ALK: variants seen among roughly 807,000 people sequenced by gnomAD.
The protein encoded by ALK is ALK receptor tyrosine kinase, also known as ALK tyrosine kinase receptor.
ALK carries 74 observed loss-of-function variants against 163.1 expected under a neutral mutation model. The ratio of observed to expected loss-of-function variants is 0.45; its 90% confidence interval spans 0.38 to 0.55. The LOEUF is 0.55. ALK is among the 20% of genes least tolerant of loss of function. The pLI is 0.00. For missense variants in ALK, 2,063 were observed against 2,105.3 expected (o/e 0.98, Z 0.39); for synonymous variants, 960 against 843.2 (o/e 1.14, Z -2.40).
At chr2:29,495,485 T>C (rs1172570238) in intron 4 of ALK, among the ~76,000 whole-genome samples, 1 of 152,134 alleles carries the variant, frequency 6.6e-6, no homozygotes, top group Admixed American at 6.5e-5. Flanking sequence ...ACTGGGCTAG[T>C]GATGGTTACT....
At chr2:29,838,333 A>C (rs560536595) in intron 1 of ALK, among the ~76,000 whole-genome samples, 1 of 152,286 alleles carries the variant, frequency 6.6e-6, no homozygotes, top group South Asian at 2.1e-4. Context: ...TTTTCCCCAA[A>C]TTTGATGAAA....
At position 29,803,398 on chromosome 2, in the gene ALK, G is replaced by T. The variant is rs559387842; in HGVS notation, c.668-85701C>A. ...CTGATTCCTTAATAATAACTAAAAG[G>T]CCAGCAACTGGTGATTAACTTTGTA... On this transcript the variant is annotated intron_variant, in intron 1 of 28. Coordinates refer to ENST00000389048, the MANE Select transcript of ALK (RefSeq NM_004304.5). Among the ~76,000 whole-genome samples, 11 of 152,238 alleles carry T rather than the reference G, an allele frequency of 7.2e-5. No individual in the cohort carries two copies. The East Asian group carries it at 7.7e-4, about 11-fold the overall frequency.
intron 3 of ALK, among the ~76,000 whole-genome samples, chr2:29,636,172 A>G (rs1676521273): frequency 6.6e-6 from 1 of 152,162 alleles, no homozygotes; most frequent in Non-Finnish European, 1.5e-5. Context: ...AGGAATATAC[A>G]CATAGATCAA....
At chr2:29,797,097 G>T (rs1349020675) in intron 1 of ALK, among the ~76,000 whole-genome samples, 1 of 151,526 alleles carries the variant, frequency 6.6e-6, no homozygotes, top group Admixed American at 6.6e-5. Context: ...AAATCTAACA[G>T]AAAGATGTAT....
Position 29,225,366 on chromosome 2 carries a change from C to T in ALK, c.3172+95G>A, listed in dbSNP as rs59966676. 176 of 1,158,592 alleles carry T rather than the reference C, an allele frequency of 1.5e-4. No individual in the cohort carries two copies. The African/African-American group carries it at 1.7e-3, about 11-fold the overall frequency. 71.8% of individuals were successfully genotyped at this position (1,158,592 alleles called of 1,614,324 possible). On this transcript the variant is annotated intron_variant, in intron 19 of 28. Coordinates refer to ENST00000389048, the MANE Select transcript of ALK (RefSeq NM_004304.5). Reference sequence around the variant, plus strand: ...CACCCAATTCCAGGGACTAGCATAACGAAGTGACACCTTGGCACCTGTGGC... The same window carrying T: ...CACCCAATTCCAGGGACTAGCATAATGAAGTGACACCTTGGCACCTGTGGC...
In ALK at chr2:29,227,087, A is replaced by T. The variant is rs2148178781; in HGVS notation, c.2915-13T>A. ...TGGCCTTCCATCACTAGTGACAAGGAGGGAGGGTCAGTCTTGGGCCGAGCC... is the reference window on the plus strand; with the variant it reads ...TGGCCTTCCATCACTAGTGACAAGGTGGGAGGGTCAGTCTTGGGCCGAGCC... On this transcript the variant is annotated splice_polypyrimidine_tract_variant and intron_variant, in intron 17 of 28. Transcript: ENST00000389048. This position sits in a 1 kb window ranked among gnomAD's most constrained non-coding sequence, Gnocchi z 4.4. 6.2e-7 allele frequency: 1 copy of T among 1,614,098 alleles called. No homozygotes were observed. Among genetic ancestry groups the T allele is most frequent in the Non-Finnish European group, 8.5e-7 (1 of 1,180,026 alleles).
At chr2:29,653,101 G>A (rs1677082545) in intron 3 of ALK, among the ~76,000 whole-genome samples, 1 of 152,104 alleles carries the variant, frequency 6.6e-6, no homozygotes, top group South Asian at 2.1e-4. Flanking sequence ...GGTAGATAGT[G>A]TCAGAATAGA....
chr2:29,850,819 C>T (rs547370715), intron 1 of ALK, among the ~76,000 whole-genome samples: 5 of 152,314 alleles, frequency 3.3e-5, no homozygotes, highest in Admixed American at 2.6e-4. Context: ...TCTCCCAAGC[C>T]CTTTCCTCGT....
intron 3 of ALK, among the ~76,000 whole-genome samples, chr2:29,587,640 A>G (rs889603227): frequency 2.0e-5 from 3 of 152,168 alleles, no homozygotes; most frequent in African/African-American, 7.2e-5. Context: ...AACTGTCCAT[A>G]GCTTCACTTC....
At chr2:29,209,268 T>TG (rs898329448) in intron 25 of ALK, among the ~76,000 whole-genome samples, 10 of 152,076 alleles carry the variant, frequency 6.6e-5, no homozygotes, top group African/African-American at 2.4e-4. Flanking sequence ...TGGCTGGGCA[T>TG]GGAGGCTCAC....
intron 4 of ALK, among the ~76,000 whole-genome samples, chr2:29,503,045 G>T (rs1672226695): frequency 6.6e-6 from 1 of 152,224 alleles, no homozygotes; most frequent in African/African-American, 2.4e-5. Flanking sequence ...ATGAAGACGT[G>T]GAACTCTTCA....
intron 3 of ALK, among the ~76,000 whole-genome samples, chr2:29,571,782 C>T (rs1030290542): frequency 3.3e-5 from 5 of 151,738 alleles, no homozygotes; most frequent in African/African-American, 1.2e-4. Flanking sequence ...GTGCCTAGCT[C>T]ATTTTTGTAT....
intron 1 of ALK, among the ~76,000 whole-genome samples, chr2:29,739,163 G>A (rs749141473): frequency 8.2e-5 from 12 of 146,750 alleles, no homozygotes; most frequent in African/African-American, 2.6e-4. Context: ...CACTGGAGCC[G>A]AGGAGTTTGA....
chr2:29,240,575 G>A (rs1664498913), intron 12 of ALK, among the ~76,000 whole-genome samples: 1 of 152,186 alleles, frequency 6.6e-6, no homozygotes, highest in Non-Finnish European at 1.5e-5. Context: ...TGAGCCGACT[G>A]TCTATTCCCA....
chr2:29,853,615 C>T (rs1666062324), intron 1 of ALK, among the ~76,000 whole-genome samples: 2 of 152,214 alleles, frequency 1.3e-5, no homozygotes, highest in Admixed American at 1.3e-4. Context: ...ACTCTCCATG[C>T]AGTCTTCTTA....
At chr2:29,223,284 T>C (rs1669855803) in intron 20 of ALK, 58 bp downstream of exon 20, 1 of 1,588,642 alleles carries the variant, frequency 6.3e-7, no homozygotes, top group Non-Finnish European at 8.6e-7. Context: ...GGTGCTGTGA[T>C]AACATTCAGC....
rs1350616930 is a variant in ALK, at chr2:29,257,353, A to T, written c.2042-6086T>A. On this transcript the variant is annotated intron_variant, in intron 11 of 28. Coordinates refer to ENST00000389048, the MANE Select transcript of ALK (RefSeq NM_004304.5). ...ATAAAGAACCCACAAATATCAAAAT[A>T]CTGATTGGTTATAGACAGTTGAGTA... 2.6e-5 allele frequency among the ~76,000 whole-genome samples: 4 copies of T among 152,206 alleles called. No individual in the cohort carries two copies. The East Asian group carries it at 7.7e-4, about 29-fold the overall frequency.
intron 25 of ALK, among the ~76,000 whole-genome samples, chr2:29,209,270 G>A (rs988975125): frequency 6.6e-6 from 1 of 152,154 alleles, no homozygotes; most frequent in Non-Finnish European, 1.5e-5. Context: ...GCTGGGCATG[G>A]AGGCTCACAC....
chr2:29,421,313 T>A (rs1195547923), intron 4 of ALK, among the ~76,000 whole-genome samples: 2 of 151,506 alleles, frequency 1.3e-5, no homozygotes, highest in Non-Finnish European at 2.9e-5. Context: ...TACTGAGTGT[T>A]GACTTGAGAG....
Sources: allele counts gnomAD v4.1 joint callset (sites outside exome capture counted in the v4.1 genomes callset), GRCh38; gene constraint gnomAD v4.1.1; non-coding constraint Gnocchi (gnomAD v3.1); transcripts MANE v1.5; gene names NCBI Gene and HGNC (gene_info 2026-07-23, HGNC 2026-07-21).